The following SH3RF3 variants were observed in gnomAD, a reference collection of about 807,000 sequenced individuals.
The protein encoded by SH3RF3 is SH3 domain containing ring finger 3, also known as E3 ubiquitin-protein ligase SH3RF3.
SH3RF3 carries 29 observed loss-of-function variants against 66.3 expected under a neutral mutation model. The observed-to-expected ratio is 0.44, with a 90% CI of 0.33 to 0.60. The LOEUF (loss-of-function observed/expected upper bound fraction) is 0.60. Ranked by LOEUF, SH3RF3 falls within the 20% of genes least tolerant of loss-of-function variation. The pLI is 0.04. For synonymous variants in SH3RF3, 583 were observed against 532.0 expected, an observed-to-expected ratio of 1.10 and a Z score of -1.32; for missense variants, 1,194 against 1,190.9, an observed-to-expected ratio of 1.00 and a Z score of -0.04.
intron 1 of SH3RF3, among the ~76,000 whole-genome samples, chr2:109,170,842 C>A (rs975685302): frequency 6.6e-6 from 1 of 152,192 alleles, no homozygotes; most frequent in Admixed American, 6.5e-5. Flanking sequence ...ACAGAGAGGG[C>A]GCTTTTCTCC....
intron 1 of SH3RF3, among the ~76,000 whole-genome samples, chr2:109,206,854 G>A (rs1678852537): frequency 6.6e-6 from 1 of 152,196 alleles, no homozygotes; most frequent in East Asian, 1.9e-4. Flanking sequence ...TGCACTAATT[G>A]TCAAAGTTGA....
rs1416899577 is a variant in SH3RF3, at chr2:109,371,567, G to T, written c.850-19G>T. On this transcript the variant is annotated intron_variant, in intron 2 of 9. Transcript: ENST00000309415. ...TGTGTGTCCGTATGCTTGTGTCCAC[G>T]GTGGACCCGGAACTGCAGGACGAGA... 2 of 1,611,050 alleles carry T rather than the reference G, an allele frequency of 1.2e-6. No homozygotes were observed. The highest frequency in any genetic ancestry group is 2.7e-5 in the African/African-American group (2 of 74,852).
intron 1 of SH3RF3, among the ~76,000 whole-genome samples, chr2:109,198,197 G>A (rs1678552123): frequency 6.6e-6 from 1 of 152,186 alleles, no homozygotes; most frequent in African/African-American, 2.4e-5. Flanking sequence ...GAACCCTCAA[G>A]ACATGGCCTG....
chr2:109,381,817 A>G (rs968925978), intron 3 of SH3RF3, among the ~76,000 whole-genome samples: 1 of 152,248 alleles, frequency 6.6e-6, no homozygotes, highest in Non-Finnish European at 1.5e-5. Flanking sequence ...GGTCTGTGTT[A>G]CATAGTAGAA....
At chr2:109,322,898 T>A (rs978060252) in intron 1 of SH3RF3, among the ~76,000 whole-genome samples, 3 of 152,208 alleles carry the variant, frequency 2.0e-5, no homozygotes, top group African/African-American at 7.2e-5. Flanking sequence ...AATGTTAAGA[T>A]GAGGCCAAGA....
chr2:109,214,553 AT>A (rs1374349784), intron 1 of SH3RF3, among the ~76,000 whole-genome samples: 1 of 152,022 alleles, frequency 6.6e-6, no homozygotes, highest in African/African-American at 2.4e-5. Flanking sequence ...AAGAAATTTC[AT>A]TGACATGAAA....
chr2:109,182,026 A>T (rs550143751), intron 1 of SH3RF3, among the ~76,000 whole-genome samples: 1 of 152,342 alleles, frequency 6.6e-6, no homozygotes, highest in East Asian at 1.9e-4. Context: ...CTTCAAAAAA[A>T]TTATCTATGT....
At chr2:109,316,014 G>A (rs1380566475) in intron 1 of SH3RF3, among the ~76,000 whole-genome samples, 2 of 152,170 alleles carry the variant, frequency 1.3e-5, no homozygotes, top group Admixed American at 1.3e-4. Context: ...TGCATCAGGG[G>A]CTTTTTTCAC....
intron 1 of SH3RF3, among the ~76,000 whole-genome samples, chr2:109,297,086 G>T (rs1184951935): frequency 6.6e-6 from 1 of 152,048 alleles, no homozygotes; most frequent in East Asian, 1.9e-4. Flanking sequence ...CAGGTGGGGG[G>T]TGACCGGGAT....
At chr2:109,213,293 G>A (rs74410934) in intron 1 of SH3RF3, among the ~76,000 whole-genome samples, 5,012 of 152,284 alleles carry the variant, frequency 0.033, 149 homozygotes, top group Non-Finnish European at 0.047. Context: ...CCACACCCTG[G>A]TGTGTCCATA....
intron 8 of SH3RF3, among the ~76,000 whole-genome samples, chr2:109,473,531 G>A (rs1678584016): frequency 6.6e-6 from 1 of 152,208 alleles, no homozygotes. Flanking sequence ...CAGGGTTAGA[G>A]CGACAGAGAG....
At chr2:109,229,474 C>T (rs1036762003) in intron 1 of SH3RF3, among the ~76,000 whole-genome samples, 1 of 152,206 alleles carries the variant, frequency 6.6e-6, no homozygotes, top group Non-Finnish European at 1.5e-5. Context: ...GACAGCTTCT[C>T]AGACTGGTCC....
chr2:109,280,427 G>A (rs952263588), intron 1 of SH3RF3, among the ~76,000 whole-genome samples: 3 of 152,200 alleles, frequency 2.0e-5, no homozygotes, highest in Non-Finnish European at 2.9e-5. Context: ...TGGGGCCCCA[G>A]TCTGGTGGAC....
At position 109,360,642 on chromosome 2, in the gene SH3RF3, G is replaced by A. The variant is rs1574596990; in HGVS notation, c.850-10944G>A. Among the ~76,000 whole-genome samples the A allele has an allele frequency of 2.6e-5, 4 of 152,268 alleles. No individual in the cohort carries two copies. The South Asian group carries it at 6.2e-4, about 24-fold the overall frequency. ...AGATACTCAGCCTGTATATAGGAAA[G>A]CAATTGACTTTTGTATATTAGCCTT... On this transcript the variant is annotated intron_variant, in intron 2 of 9. Transcript: ENST00000309415.
intron 1 of SH3RF3, among the ~76,000 whole-genome samples, chr2:109,231,287 G>T (rs778813055): frequency 6.6e-5 from 10 of 152,244 alleles, no homozygotes; most frequent in Non-Finnish European, 1.3e-4. Context: ...TTGGTGGGTG[G>T]ATGTGGGAGA....
chr2:109,401,047 T>C (rs1014129896), intron 4 of SH3RF3, among the ~76,000 whole-genome samples: 18 of 152,318 alleles, frequency 1.2e-4, no homozygotes, highest in African/African-American at 4.3e-4. Context: ...CCTGTGTGTG[T>C]GCACATCTGG....
chr2:109,459,803 G>A (rs1490231986), intron 8 of SH3RF3, among the ~76,000 whole-genome samples: 1 of 152,182 alleles, frequency 6.6e-6, no homozygotes, highest in Non-Finnish European at 1.5e-5. Context: ...ACATAATGTT[G>A]TGAGAACAAG....
intron 1 of SH3RF3, among the ~76,000 whole-genome samples, chr2:109,286,476 G>A (rs1005559396): frequency 6.6e-6 from 1 of 152,188 alleles, no homozygotes. Context: ...CTGCACCACA[G>A]TCCCGCACAA....
chr2:109,157,235 G>C (rs910781960), intron 1 of SH3RF3, among the ~76,000 whole-genome samples: 4 of 152,172 alleles, frequency 2.6e-5, no homozygotes, highest in African/African-American at 9.7e-5. Context: ...AGCTCTGCTG[G>C]TAGGTCTAGT....
Sources: gnomAD v4.1 joint callset for allele counts (sites outside exome capture counted in the v4.1 genomes callset) on GRCh38, gnomAD v4.1.1 for gene constraint, MANE v1.5 for transcripts, NCBI Gene and HGNC (gene_info 2026-07-23, HGNC 2026-07-21) for gene names.